CTNNA3: variants seen among roughly 807,000 people sequenced by gnomAD.
CTNNA3 encodes catenin alpha 3, also known as catenin alpha-3.
A neutral mutation model predicts 95.7 loss-of-function variants in CTNNA3; 76 were observed. The ratio of observed to expected loss-of-function variants is 0.79; its 90% CI spans 0.66 to 0.96. CTNNA3 has a LOEUF of 0.96. Among genes scored for constraint, CTNNA3 ranks in the 40% least tolerant of loss-of-function variants. The pLI is 0.00. For synonymous variants in CTNNA3, 431 were observed against 374.4 expected, an observed-to-expected ratio of 1.15 and a Z score of -1.74; for missense variants, 1,191 against 1,089.8, an observed-to-expected ratio of 1.09 and a Z score of -1.31.
chr10:66,256,885 G>A (rs138031846), intron 13 of CTNNA3, among the ~76,000 whole-genome samples: 114 of 152,232 alleles, frequency 7.5e-4, no homozygotes, highest in African/African-American at 2.7e-3. Context: ...CAGGACACTA[G>A]AGTAGAAAAG....
chr10:67,193,050 T>C (rs923243896), intron 6 of CTNNA3, among the ~76,000 whole-genome samples: 18 of 151,382 alleles, frequency 1.2e-4, no homozygotes, highest in Admixed American at 1.2e-3. Flanking sequence ...AAAATCAAAC[T>C]GTTTTGATTT....
At chr10:67,641,259 C>G (rs1589523253) in intron 2 of CTNNA3, among the ~76,000 whole-genome samples, 1 of 152,066 alleles carries the variant, frequency 6.6e-6, no homozygotes. Flanking sequence ...TGAAAAAATG[C>G]TCATCATCAC....
At chr10:67,214,523 G>A (rs1413134173) in intron 6 of CTNNA3, among the ~76,000 whole-genome samples, 6 of 151,758 alleles carry the variant, frequency 4.0e-5, no homozygotes, top group Non-Finnish European at 7.4e-5. Flanking sequence ...AAAGTAATAT[G>A]TAAGCAGTAA....
At chr10:67,638,625 C>A (rs1839410869) in intron 2 of CTNNA3, among the ~76,000 whole-genome samples, 1 of 152,158 alleles carries the variant, frequency 6.6e-6, no homozygotes, top group African/African-American at 2.4e-5. Flanking sequence ...CACTCCTCAG[C>A]AAATGTAAAA....
At chr10:67,354,350 C>G (rs1361320038) in intron 5 of CTNNA3, among the ~76,000 whole-genome samples, 2 of 152,012 alleles carry the variant, frequency 1.3e-5, no homozygotes, top group African/African-American at 4.8e-5. Context: ...CATCCTTTGT[C>G]TGAGCACCTA....
chr10:66,136,154 G>A (rs1420892456), intron 13 of CTNNA3, among the ~76,000 whole-genome samples: 3 of 152,074 alleles, frequency 2.0e-5, no homozygotes, highest in South Asian at 4.2e-4. Context: ...CGTCCTTCTC[G>A]GCCTTCCAAA....
In CTNNA3 at chr10:65,962,003, G is replaced by A. The variant is rs541815511; in HGVS notation, c.2400+4609C>T. On this transcript the variant is annotated intron_variant, in intron 17 of 17. Transcript: ENST00000433211. ...GAAGCTGTCGTAACAGTTCTAGACCGCCCATTCGCAGACTCACTTTATGGA... is the reference window on the plus strand; with the variant it reads ...GAAGCTGTCGTAACAGTTCTAGACCACCCATTCGCAGACTCACTTTATGGA... Among the ~76,000 whole-genome samples, 16 of 152,128 alleles carry A rather than the reference G, an allele frequency of 1.1e-4. No individual in the cohort carries two copies. The Middle Eastern group carries it at 0.017, about 163-fold the overall frequency.
chr10:66,129,177 T>C (rs1335969201), intron 13 of CTNNA3, among the ~76,000 whole-genome samples: 1 of 152,156 alleles, frequency 6.6e-6, no homozygotes, highest in African/African-American at 2.4e-5. Flanking sequence ...GGCAGGAGAA[T>C]TGCTTGAACC....
At chr10:66,279,829 G>T (rs529715067) in intron 13 of CTNNA3, among the ~76,000 whole-genome samples, 9 of 152,042 alleles carry the variant, frequency 5.9e-5, no homozygotes, top group African/African-American at 2.2e-4. Context: ...TGCATTTTTT[G>T]GTAACATTTA....
intron 1 of CTNNA3, among the ~76,000 whole-genome samples, chr10:67,655,135 C>T (rs1839985618): frequency 6.6e-6 from 1 of 152,312 alleles, no homozygotes; most frequent in East Asian, 1.9e-4. Context: ...ATTGTCATAA[C>T]ACTAACACAT....
chr10:65,979,969 T>C (rs981669798), intron 16 of CTNNA3, among the ~76,000 whole-genome samples: 1 of 151,872 alleles, frequency 6.6e-6, no homozygotes, highest in Non-Finnish European at 1.5e-5. Flanking sequence ...ATAACAAAGA[T>C]CTGAGCAGAA....
intron 13 of CTNNA3, among the ~76,000 whole-genome samples, chr10:66,168,056 A>G (rs1416364921): frequency 1.3e-5 from 2 of 152,148 alleles, no homozygotes; most frequent in Non-Finnish European, 2.9e-5. Context: ...GTGCATTCCT[A>G]TGGGTGCCAG....
At chr10:67,532,057 C>T (rs1015022039) in intron 4 of CTNNA3, among the ~76,000 whole-genome samples, 1 of 152,130 alleles carries the variant, frequency 6.6e-6, no homozygotes, top group Non-Finnish European at 1.5e-5. Context: ...CCATGTGGAA[C>T]TGTAAGTCCA....
At chr10:66,601,286 A>T (rs1438344120) in intron 10 of CTNNA3, among the ~76,000 whole-genome samples, 2 of 151,988 alleles carry the variant, frequency 1.3e-5, no homozygotes, top group Admixed American at 6.6e-5. Flanking sequence ...TTGAAAAAAA[A>T]GTAGTTTATT....
chr10:66,711,670 T>C (rs1848300800), intron 9 of CTNNA3, among the ~76,000 whole-genome samples: 1 of 152,088 alleles, frequency 6.6e-6, no homozygotes, highest in Non-Finnish European at 1.5e-5. Flanking sequence ...TGTCTCAGCC[T>C]CCTGAGTAGC....
At chr10:66,630,883 C>T (rs1437001919) in intron 9 of CTNNA3, among the ~76,000 whole-genome samples, 3 of 151,938 alleles carry the variant, frequency 2.0e-5, no homozygotes, top group Non-Finnish European at 4.4e-5. Context: ...ATTGATTATG[C>T]ACCTATTATG....
At chr10:66,428,509 C>T (rs565659874) in intron 11 of CTNNA3, among the ~76,000 whole-genome samples, 18 of 152,178 alleles carry the variant, frequency 1.2e-4, no homozygotes, top group African/African-American at 4.1e-4. Flanking sequence ...GGAAGTAAAG[C>T]ACTCCTCAGC....
intron 13 of CTNNA3, among the ~76,000 whole-genome samples, chr10:66,115,586 T>TGATAGATAGATAG (rs2082307352): frequency 8.5e-6 from 1 of 118,038 alleles, no homozygotes. Flanking sequence ...AGATGATAGA[T>TGATAGATAGATAG]AGATAGAGAT....
At chr10:67,262,967 G>GTA (rs1467612924) in intron 5 of CTNNA3, among the ~76,000 whole-genome samples, 1 of 152,118 alleles carries the variant, frequency 6.6e-6, no homozygotes, top group African/African-American at 2.4e-5. Flanking sequence ...AGGAAGAACT[G>GTA]TATAAGTTCA....
Sources: allele counts gnomAD v4.1 joint callset (sites outside exome capture counted in the v4.1 genomes callset), GRCh38; gene constraint gnomAD v4.1.1; transcripts MANE v1.5; gene names NCBI Gene and HGNC (gene_info 2026-07-23, HGNC 2026-07-21).